The following P4HB variants were observed in gnomAD, a reference collection of about 807,000 sequenced individuals.
P4HB encodes protein disulfide-isomerase.
A neutral mutation model predicts 52.6 loss-of-function variants in P4HB; 20 were observed. The ratio of observed to expected loss-of-function variants is 0.38; its 90% CI spans 0.27 to 0.55. The LOEUF (loss-of-function observed/expected upper bound fraction) is 0.55, where lower values mean the gene tolerates loss of function less well. P4HB is among the 20% of genes least tolerant of loss of function. P4HB has a pLI of 0.74. For synonymous variants in P4HB, 296 were observed against 277.9 expected (o/e 1.07, Z -0.65); for missense variants, 601 against 669.2 (o/e 0.90, Z 1.12).
chr17:81,859,375 C>A lies in P4HB; in HGVS notation c.158G>T (p.Cys53Phe). 2 of 1,612,970 alleles carry A rather than the reference C, an allele frequency of 1.2e-6. No homozygotes were observed. The highest frequency in any genetic ancestry group is 1.7e-6 in the Non-Finnish European group (2 of 1,179,338). Residue 53 changes from cysteine (C) to phenylalanine (F), a missense_variant, in exon 2 of 11, where the codon TGT (cysteine) becomes TTT (phenylalanine). Physicochemically the swap from Cys to Phe is radical, Grantham distance 205 (BLOSUM62 -2). Transcript: ENST00000331483. Reference sequence around the variant, plus strand: ...AGGGGCCAGAGCCTTGCAGTGGCCACACCAAGGGGCATCTGGAAGCGGAAA... The same window carrying A: ...AGGGGCCAGAGCCTTGCAGTGGCCAAACCAAGGGGCATCTGGAAGCGGAAA... ...YLLVEFYAPW[C>F]GHCKALAPEY...
Position 81,855,799 on chromosome 17 carries a change from G to A in P4HB, c.353-213C>T, listed in dbSNP as rs2038904816. On this transcript the variant is annotated intron_variant, in intron 2 of 10. Transcript: ENST00000331483. The surrounding 1 kb of genome is among the most constrained non-coding windows in gnomAD (Gnocchi z 4.3). ...ACTGTGGTTGTGTTTATGGGGAGTG[G>A]AGAGGGAAGAGGGTGATTCTGTCTC... The A allele has an allele frequency of 5.7e-6, 3 of 528,226 alleles. No individual in the cohort carries two copies. Among genetic ancestry groups the A allele is most frequent in the Non-Finnish European group, 1.0e-5 (3 of 300,678 alleles). The allele number at this position is 528,226 out of a possible 1,614,324, so 32.7% of individuals were successfully genotyped here. A position where few individuals can be genotyped will look rare whatever the true frequency, so the allele number is the denominator to read the frequency against.
rs1239251936 is a variant in P4HB, at chr17:81,845,198, A to G, written c.1392T>C (p.Asp464=). The change falls in exon 10 of 11, where the codon GAT becomes GAC. Residue 464 remains aspartate (D), a synonymous_variant. Coordinates refer to ENST00000331483, the MANE Select transcript of P4HB (RefSeq NM_000918.4). ...VIDYNGERTL[D]GFKKFLESGG... Reference sequence around the variant, plus strand: ...CGCTCTCCAGGAATTTCTTAAAACCATCCAGCGTGCGTTCCCCGTTGTAAT... The same window carrying G: ...CGCTCTCCAGGAATTTCTTAAAACCGTCCAGCGTGCGTTCCCCGTTGTAAT... The G allele has an allele frequency of 1.9e-6, 3 of 1,613,960 alleles. No individual in the cohort carries two copies. In the South Asian group the frequency reaches 3.3e-5, roughly 18 times the overall value.
Position 81,843,885 on chromosome 17 carries a change from A to T in P4HB, c.*127T>A. On this transcript the variant is annotated 3_prime_UTR_variant, in exon 11 of 11. Coordinates refer to ENST00000331483, the MANE Select transcript of P4HB (RefSeq NM_000918.4). ...GTGTGTAGGGGTGAGGTGTCACTTC[A>T]GAGAGGTTCCCTGGGTTTCCGGCGA... is the stretch of plus-strand genomic sequence containing the variant. 1 of 748,672 alleles carries T rather than the reference A, an allele frequency of 1.3e-6. No individual in the cohort carries two copies. Among genetic ancestry groups the T allele is most frequent in the East Asian group, 2.4e-5 (1 of 41,012 alleles). 46.4% of individuals were successfully genotyped at this position (748,672 alleles called of 1,614,324 possible). A position where few individuals can be genotyped will look rare whatever the true frequency, so the allele number is the denominator to read the frequency against.
Position 81,859,352 on chromosome 17 carries a change from G to T in P4HB, c.181C>A (p.Pro61Thr). 6.2e-7 allele frequency: 1 copy of T among 1,613,868 alleles called. No homozygotes were observed. Among genetic ancestry groups the T allele is most frequent in the Non-Finnish European group, 8.5e-7 (1 of 1,180,020 alleles). The change falls in exon 2 of 11, where the codon CCT (proline) becomes ACT (threonine). Residue 61 changes from proline to threonine, a missense_variant. Transcript: ENST00000331483. ...PWCGHCKALA[P>T]EYAKAAGKLK... ...TTCCCAGCGGCTTTGGCATACTCAGGGGCCAGAGCCTTGCAGTGGCCACAC... is the reference window on the plus strand; with the variant it reads ...TTCCCAGCGGCTTTGGCATACTCAGTGGCCAGAGCCTTGCAGTGGCCACAC...
chr17:81,848,538 C>T (rs1304707822), intron 4 of P4HB, among the ~76,000 whole-genome samples: 3 of 152,004 alleles, frequency 2.0e-5, no homozygotes, highest in Admixed American at 2.0e-4. Context: ...GAGTTCGAGA[C>T]CAGCCTGGCC....
At chr17:81,852,359 G>GA (rs2038845546) in intron 4 of P4HB, among the ~76,000 whole-genome samples, 1 of 152,162 alleles carries the variant, frequency 6.6e-6, no homozygotes, top group South Asian at 2.1e-4. Context: ...AAGAGCACCC[G>GA]ACTCAGCCAG....
chr17:81,855,329 C>T lies in P4HB; in HGVS notation c.487-50G>A, dbSNP rs1474270931. ...GTCGTCATGATCCCGCAGCACCAAG[C>T]AGTAGGGCAGACCCTGTAGAGCCCA... On this transcript the variant is annotated intron_variant, in intron 3 of 10. Transcript: ENST00000331483. The surrounding 1 kb of genome is among the most constrained non-coding windows in gnomAD (Gnocchi z 4.3). 6.2e-7 allele frequency: 1 copy of T among 1,612,018 alleles called. No individual in the cohort carries two copies. Among genetic ancestry groups the T allele is most frequent in the Non-Finnish European group, 8.5e-7 (1 of 1,178,958 alleles).
rs2038890925 is a variant in P4HB at position 81,855,002 on chromosome 17, C to CA, written c.624+139dup. On this transcript the variant is annotated intron_variant, in intron 4 of 10. Coordinates refer to ENST00000331483, the MANE Select transcript of P4HB (RefSeq NM_000918.4). This position sits in a 1 kb window ranked among gnomAD's most constrained non-coding sequence, Gnocchi z 4.3. ...GGCCACAGGCATCAGCGCAACACCC[C>CA]AACTTGGCAAAGCTGCAGAACATAC... is the stretch of plus-strand genomic sequence containing the variant. The CA allele has an allele frequency of 1.2e-6, 1 of 814,906 alleles. No homozygotes were observed. The highest frequency in any genetic ancestry group is 2.4e-5 in the East Asian group (1 of 40,920). 50.5% of individuals were successfully genotyped at this position (814,906 alleles called of 1,614,324 possible).
chr17:81,843,949 G>C lies in P4HB; in HGVS notation c.*63C>G. 8.2e-7 allele frequency: 1 copy of C among 1,217,838 alleles called. No individual in the cohort carries two copies. The allele number at this position is 1,217,838 out of a possible 1,614,324, so 75.4% of individuals were successfully genotyped here. A position where few individuals can be genotyped will look rare whatever the true frequency, so the allele number is the denominator to read the frequency against. On this transcript the variant is annotated 3_prime_UTR_variant, in exon 11 of 11. Transcript: ENST00000331483. ...GCGAGGCCGCAGGCTTCGGAGGCGT[G>C]CGCTGCTGCTGGGTGTGCAGCCCCC...
intron 4 of P4HB, chr17:81,847,863 G>T (rs1251732447): frequency 3.8e-5 from 6 of 156,676 alleles, no homozygotes; most frequent in African/African-American, 1.5e-4. Context: ...TGTATTTTTA[G>T]TCGAGATGGG....
chr17:81,845,402 C>G (rs1185369503), intron 9 of P4HB, 159 bp downstream of exon 9: 1 of 845,396 alleles, frequency 1.2e-6, no homozygotes, highest in East Asian at 2.7e-5. Flanking sequence ...GAGATCCCAT[C>G]TCTCTCGAAA....
chr17:81,857,817 G>T (rs1220052156), intron 2 of P4HB, among the ~76,000 whole-genome samples: 1 of 152,140 alleles, frequency 6.6e-6, no homozygotes, highest in Non-Finnish European at 1.5e-5. Context: ...TGACTCCCTG[G>T]TCCGAATCGG....
chr17:81,844,356 G>T (rs1316700541), intron 10 of P4HB, among the ~76,000 whole-genome samples: 2 of 152,214 alleles, frequency 1.3e-5, no homozygotes, highest in East Asian at 3.8e-4. Context: ...GCTCAGCCTT[G>T]GACCCTTCCA....
chr17:81,844,135 A>G, intron 10 of P4HB, 43 bp from the exon 11 acceptor site: 1 of 1,377,702 alleles, frequency 7.3e-7, no homozygotes, highest in African/African-American at 1.4e-5. Context: ...GTTGGCTGCA[A>G]CAGCTGAGGC....
Position 81,860,443 on chromosome 17 carries a change from G to C in P4HB, c.29C>G (p.Ala10Gly). 7.2e-7 allele frequency: 1 copy of C among 1,391,462 alleles called. No homozygotes were observed. The highest frequency in any genetic ancestry group is 9.4e-7 in the Non-Finnish European group (1 of 1,068,422). The allele number at this position is 1,391,462 out of a possible 1,614,324, so 86.2% of individuals were successfully genotyped here. The change falls in exon 1 of 11, where the codon GCC (alanine) becomes GGC (glycine). Residue 10 changes from alanine (A) to glycine (G), a missense_variant. Transcript: ENST00000331483. MLRRALLCL[A>G]VAALVRADAP... is the part of the protein sequence containing the mutation. ...GTCGGCGCGCACCAGGGCGGCCACG[G>C]CCAGGCACAGCAGAGCGCGGCGCAG...
chr17:81,845,116 A>C (rs1034784226), intron 10 of P4HB, 28 bp downstream of exon 10: 1 of 1,547,696 alleles, frequency 6.5e-7, no homozygotes, highest in Non-Finnish European at 8.9e-7. Context: ...AATCCCAGAG[A>C]CCAGCCCAGG....
intron 2 of P4HB, among the ~76,000 whole-genome samples, chr17:81,857,320 G>T (rs1257216911): frequency 6.6e-6 from 1 of 151,910 alleles, no homozygotes; most frequent in East Asian, 1.9e-4. Flanking sequence ...GCTAATTTTT[G>T]TATTTTTAGT....
chr17:81,855,637 C>G lies in P4HB; in HGVS notation c.353-51G>C. The stretch of plus-strand genomic sequence containing the variant: ...ACTCTCAAACAGGGAGTGCCGCCTG[C>G]CCTGCCGCGCCTGCTCCCGTCTCTG... On this transcript the variant is annotated intron_variant, in intron 2 of 10. Coordinates refer to ENST00000331483, the MANE Select transcript of P4HB (RefSeq NM_000918.4). The surrounding 1 kb of genome is among the most constrained non-coding windows in gnomAD (Gnocchi z 4.3). 2.5e-6 allele frequency: 4 copies of G among 1,577,490 alleles called. No homozygotes were observed. The highest frequency in any genetic ancestry group is 3.5e-6 in the Non-Finnish European group (4 of 1,158,902).
At position 81,846,412 on chromosome 17, in the gene P4HB, C is replaced by T. The variant is rs201328809; in HGVS notation, c.1056+17G>A. The T allele has an allele frequency of 1.9e-4, 300 of 1,612,520 alleles. No individual in the cohort carries two copies. The highest frequency in any genetic ancestry group is 2.3e-4 in the Admixed American group (14 of 60,014). On this transcript the variant is annotated intron_variant, in intron 7 of 10. Transcript: ENST00000331483. This position sits in a 1 kb window ranked among gnomAD's most constrained non-coding sequence, Gnocchi z 5.7. The stretch of plus-strand genomic sequence containing the variant: ...CTCTACCCGGGAGGCAGCCCTGGCC[C>T]GGGGACGCGCCTGCACCTTGATTTT...
Sources: gnomAD v4.1 joint callset for allele counts (sites outside exome capture counted in the v4.1 genomes callset) on GRCh38, gnomAD v4.1.1 for gene constraint, Gnocchi (gnomAD v3.1) non-coding constraint, MANE v1.5 for transcripts, NCBI Gene and HGNC (gene_info 2026-07-23, HGNC 2026-07-21) for gene names.